MPHOSPH6: variants seen among roughly 807,000 people sequenced by gnomAD.
MPHOSPH6 encodes M-phase phosphoprotein 6.
MPHOSPH6 carries 25 observed loss-of-function variants against 21.8 expected under a neutral mutation model. The ratio of observed to expected loss-of-function variants is 1.15; its 90% CI spans 0.83 to 1.60. MPHOSPH6 has a LOEUF of 1.60. Among genes scored for constraint, MPHOSPH6 ranks in the 40% most tolerant of loss-of-function variants. The pLI is 0.00. For missense variants in MPHOSPH6, 269 were observed against 181.8 expected (o/e 1.48, Z -2.76); for synonymous variants, 84 against 56.5 (o/e 1.49, Z -2.18).
intron 2 of MPHOSPH6, among the ~76,000 whole-genome samples, chr16:82,160,569 T>C (rs561066811): frequency 1.3e-5 from 2 of 152,312 alleles, no homozygotes; most frequent in African/African-American, 2.4e-5. Flanking sequence ...ATAATACAGA[T>C]GCCTCTCTTG....
At chr16:82,155,058 T>A (rs555408296) in intron 2 of MPHOSPH6, among the ~76,000 whole-genome samples, 1 of 152,232 alleles carries the variant, frequency 6.6e-6, no homozygotes, top group Non-Finnish European at 1.5e-5. Context: ...TGTTCTGATA[T>A]TCAAAAGTCA....
At chr16:82,149,198 A>T in intron 4 of MPHOSPH6, 111 bp downstream of exon 4, 1 of 1,120,210 alleles carries the variant, frequency 8.9e-7, no homozygotes, top group Non-Finnish European at 1.3e-6. Context: ...TCATCGTCCT[A>T]CTGGGGGACT....
At chr16:82,154,565 A>G (rs149240578) in intron 2 of MPHOSPH6, among the ~76,000 whole-genome samples, 2 of 152,300 alleles carry the variant, frequency 1.3e-5, no homozygotes, top group East Asian at 3.9e-4. Flanking sequence ...AAACGAAAAC[A>G]TGCATGCAAT....
At chr16:82,158,859 A>G (rs1906518258) in intron 2 of MPHOSPH6, among the ~76,000 whole-genome samples, 1 of 152,254 alleles carries the variant, frequency 6.6e-6, no homozygotes, top group African/African-American at 2.4e-5. Flanking sequence ...TTGATATTGT[A>G]TAACAAGATG....
At chr16:82,154,610 G>C (rs775647128) in intron 2 of MPHOSPH6, among the ~76,000 whole-genome samples, 5 of 150,278 alleles carry the variant, frequency 3.3e-5, no homozygotes, top group Admixed American at 2.0e-4. Flanking sequence ...TTAAGAAATA[G>C]AGACTGCAAA....
intron 2 of MPHOSPH6, among the ~76,000 whole-genome samples, chr16:82,151,753 A>C: frequency 6.6e-6 from 1 of 152,254 alleles, no homozygotes; most frequent in East Asian, 1.9e-4. Flanking sequence ...TTTAATTTGC[A>C]TAAATATCTA....
intron 2 of MPHOSPH6, among the ~76,000 whole-genome samples, chr16:82,163,631 A>C (rs911171498): frequency 6.6e-6 from 1 of 152,252 alleles, no homozygotes; most frequent in Non-Finnish European, 1.5e-5. Flanking sequence ...AGTAAATGTT[A>C]GCTAAAATGG....
At chr16:82,157,896 G>C (rs1906479581) in intron 2 of MPHOSPH6, among the ~76,000 whole-genome samples, 1 of 152,198 alleles carries the variant, frequency 6.6e-6, no homozygotes, top group Non-Finnish European at 1.5e-5. Context: ...CAGAGTAGTA[G>C]CAGGAGGTCA....
chr16:82,162,483 T>G (rs940039227), intron 2 of MPHOSPH6, among the ~76,000 whole-genome samples: 9 of 152,290 alleles, frequency 5.9e-5, no homozygotes, highest in African/African-American at 2.2e-4. Flanking sequence ...CCTGGCTCCC[T>G]TGCTAGGATG....
intron 2 of MPHOSPH6, among the ~76,000 whole-genome samples, chr16:82,157,832 G>C (rs1008903630): frequency 1.3e-5 from 2 of 152,196 alleles, no homozygotes; most frequent in African/African-American, 4.8e-5. Flanking sequence ...CCTGAGAAGG[G>C]AATCTAACCT....
At chr16:82,158,076 A>T (rs1906486636) in intron 2 of MPHOSPH6, among the ~76,000 whole-genome samples, 1 of 152,176 alleles carries the variant, frequency 6.6e-6, no homozygotes, top group African/African-American at 2.4e-5. Context: ...CAGTTCAAAG[A>T]AAAATGCCAG....
chr16:82,156,253 T>C (rs1235713985), intron 2 of MPHOSPH6, among the ~76,000 whole-genome samples: 1 of 152,180 alleles, frequency 6.6e-6, no homozygotes, highest in Non-Finnish European at 1.5e-5. Context: ...CAGATGTATG[T>C]AAGTTTTGTC....
At chr16:82,157,156 A>C (rs1355636115) in intron 2 of MPHOSPH6, among the ~76,000 whole-genome samples, 1 of 152,216 alleles carries the variant, frequency 6.6e-6, no homozygotes, top group Admixed American at 6.5e-5. Flanking sequence ...TAAAAACCAC[A>C]ATGAGATGCC....
chr16:82,168,057 T>C (rs1906843536), intron 1 of MPHOSPH6, among the ~76,000 whole-genome samples: 1 of 152,230 alleles, frequency 6.6e-6, no homozygotes, highest in African/African-American at 2.4e-5. Context: ...AAATAGAGAA[T>C]GTGGGTGATC....
intron 2 of MPHOSPH6, among the ~76,000 whole-genome samples, chr16:82,158,608 C>T (rs1906508871): frequency 6.6e-6 from 1 of 151,754 alleles, no homozygotes; most frequent in African/African-American, 2.4e-5. Context: ...CAATGTCACA[C>T]CGTAACTATG....
chr16:82,165,718 T>C (rs76745578), intron 1 of MPHOSPH6, among the ~76,000 whole-genome samples: 21,858 of 152,160 alleles, frequency 0.14, 2,282 homozygotes, highest in Admixed American at 0.34. Flanking sequence ...TAGCATGCTG[T>C]ATAGGTTTGC....
chr16:82,156,186 CTA>C (rs1026753113), intron 2 of MPHOSPH6, among the ~76,000 whole-genome samples: 1 of 152,006 alleles, frequency 6.6e-6, no homozygotes. Flanking sequence ...AAAATATTCA[CTA>C]TATATATATG....
At chr16:82,154,965 A>C (rs1339829721) in intron 2 of MPHOSPH6, among the ~76,000 whole-genome samples, 2 of 152,250 alleles carry the variant, frequency 1.3e-5, no homozygotes, top group Non-Finnish European at 2.9e-5. Context: ...GAAAATCATC[A>C]ATAAAATGTC....
Position 82,170,074 on chromosome 16 carries a change from A to G in MPHOSPH6, c.51+51T>C, listed in dbSNP as rs750591121. 3 of 1,553,634 alleles carry G rather than the reference A, an allele frequency of 1.9e-6. No homozygotes were observed. In the South Asian group the frequency reaches 3.5e-5, roughly 18 times the overall value. On this transcript the variant is annotated intron_variant, in intron 1 of 4. Coordinates refer to ENST00000258169, the MANE Select transcript of MPHOSPH6 (RefSeq NM_005792.2). ...GCCGCCTCGGCCCCGGCCAGGTTGG[A>G]AGGACCGGGTGCCCCTACCGCCCGG...
Sources: gnomAD v4.1 joint callset for allele counts (sites outside exome capture counted in the v4.1 genomes callset) on GRCh38, gnomAD v4.1.1 for gene constraint, MANE v1.5 for transcripts, NCBI Gene and HGNC (gene_info 2026-07-23, HGNC 2026-07-21) for gene names.